COL8A1: variants seen among roughly 807,000 people sequenced by gnomAD.
COL8A1 encodes collagen alpha-1(VIII) chain.
In COL8A1, 21 loss-of-function variants were observed where a neutral mutation model predicts 42.7. The ratio of observed to expected loss-of-function variants is 0.49; its 90% confidence interval spans 0.35 to 0.71. The LOEUF is 0.71. COL8A1 is among the 30% of genes least tolerant of loss of function. The pLI is 0.01. For missense variants in COL8A1, 788 were observed against 962.4 expected, an observed-to-expected ratio of 0.82 and a Z score of 2.40; for synonymous variants, 367 against 369.1, an observed-to-expected ratio of 0.99 and a Z score of 0.06.
intron 1 of COL8A1, chr3:99,675,596 C>T (rs1216023717): frequency 6.6e-6 from 1 of 152,436 alleles, no homozygotes; most frequent in Non-Finnish European, 1.5e-5. Flanking sequence ...ATGTCTGACA[C>T]CAGGTATTTT....
intron 2 of COL8A1, among the ~76,000 whole-genome samples, chr3:99,770,104 A>C (rs1941549066): frequency 6.6e-6 from 1 of 152,206 alleles, no homozygotes; most frequent in African/African-American, 2.4e-5. Flanking sequence ...ATTAGAGAAC[A>C]AAAGGGTATG....
chr3:99,728,048 A>C (rs1576450718), intron 1 of COL8A1, among the ~76,000 whole-genome samples: 1 of 151,420 alleles, frequency 6.6e-6, no homozygotes, highest in Non-Finnish European at 1.5e-5. Context: ...CTGAATGGGC[A>C]AAAACTGGAA....
At chr3:99,755,749 C>A (rs773475083) in intron 2 of COL8A1, among the ~76,000 whole-genome samples, 4 of 152,172 alleles carry the variant, frequency 2.6e-5, no homozygotes, top group Non-Finnish European at 5.9e-5. Flanking sequence ...AGGCTGAGAA[C>A]CAGTTTGGCT....
chr3:99,756,445 T>C (rs190652365), intron 2 of COL8A1, among the ~76,000 whole-genome samples: 1 of 152,266 alleles, frequency 6.6e-6, no homozygotes, highest in Admixed American at 6.5e-5. Context: ...TTTGTAAAAA[T>C]AGTTTCAAAG....
chr3:99,795,526 G>GC lies in COL8A1; in HGVS notation c.1631dup (p.Gly545ArgfsTer49), dbSNP rs1381812929. 7 of 1,598,078 alleles carry GC rather than the reference G, an allele frequency of 4.4e-6. No individual in the cohort carries two copies. The highest frequency in any genetic ancestry group is 6.0e-6 in the Non-Finnish European group (7 of 1,172,974). ...AAACCCGGAGTGGCAGGACTTCATG[G>GC]CCCCCCAGGGAAGCCTGGTGCCCTT... On this transcript the variant is annotated frameshift_variant, in exon 4 of 4. Coordinates refer to ENST00000652472, the MANE Select transcript of COL8A1 (RefSeq NM_020351.4). LOFTEE classifies it high-confidence loss of function.
chr3:99,657,090 A>G (rs1364276067), intron 1 of COL8A1, among the ~76,000 whole-genome samples: 1 of 152,216 alleles, frequency 6.6e-6, no homozygotes, highest in Admixed American at 6.5e-5. Context: ...GGAAAATGGT[A>G]TAGCTTTGTA....
At position 99,652,951 on chromosome 3, in the gene COL8A1, A is replaced by C. The variant is rs191227566; in HGVS notation, c.-129+14287A>C. The stretch of plus-strand genomic sequence containing the variant: ...CTGAATAAAAAGCACTGAAGTTAGC[A>C]TAAGAAGCCCTGAGATGAAGTCCCA... On this transcript the variant is annotated intron_variant, in intron 1 of 3. Transcript: ENST00000652472. Among the ~76,000 whole-genome samples, 4 of 152,236 alleles carry C rather than the reference A, an allele frequency of 2.6e-5. No homozygotes were observed. The South Asian group carries it at 6.2e-4, about 24-fold the overall frequency.
intron 2 of COL8A1, among the ~76,000 whole-genome samples, chr3:99,745,367 A>C (rs903130101): frequency 1.3e-5 from 2 of 152,204 alleles, no homozygotes; most frequent in East Asian, 3.9e-4. Context: ...TTTGCAGAGG[A>C]AAATTGTGAA....
intron 2 of COL8A1, among the ~76,000 whole-genome samples, chr3:99,781,346 G>C (rs187444508): frequency 1.2e-4 from 19 of 152,150 alleles, no homozygotes; most frequent in Non-Finnish European, 2.4e-4. Flanking sequence ...AGAAAACATT[G>C]ATTAATTATT....
intron 1 of COL8A1, among the ~76,000 whole-genome samples, chr3:99,726,364 C>T (rs1194872503): frequency 6.6e-6 from 1 of 151,294 alleles, no homozygotes; most frequent in African/African-American, 2.4e-5. Flanking sequence ...TGTAGGCTAC[C>T]TGTTCACTCT....
At chr3:99,761,814 T>C (rs1941370515) in intron 2 of COL8A1, among the ~76,000 whole-genome samples, 1 of 152,228 alleles carries the variant, frequency 6.6e-6, no homozygotes. Context: ...GTTGTTATCT[T>C]GTTAACACCT....
In COL8A1 at chr3:99,732,449, T is replaced by C. The variant is rs574573820; in HGVS notation, c.-128-12448T>C. 5.7e-4 allele frequency among the ~76,000 whole-genome samples: 86 copies of C among 152,174 alleles called. 1 individual carries two copies. In the South Asian group the frequency reaches 0.018, roughly 31 times the overall value. ...GAAACGGGAAGCAAACACATCCTTCTTCACATGGCAGCAGCAAGGAGAAGT... is the reference window on the plus strand; with the variant it reads ...GAAACGGGAAGCAAACACATCCTTCCTCACATGGCAGCAGCAAGGAGAAGT... On this transcript the variant is annotated intron_variant, in intron 1 of 3. Transcript: ENST00000652472.
chr3:99,764,701 C>CTT (rs10648559), intron 2 of COL8A1, among the ~76,000 whole-genome samples: 83,422 of 125,130 alleles, frequency 0.67, 27,761 homozygotes, highest in African/African-American at 0.75. Context: ...TCTTTTTTTT[C>CTT]TTTTTTTTTT....
chr3:99,693,674 G>C (rs775504857), intron 1 of COL8A1, among the ~76,000 whole-genome samples: 1 of 152,170 alleles, frequency 6.6e-6, no homozygotes, highest in Admixed American at 6.5e-5. Context: ...GACTCAAAAC[G>C]TTAAAAAATT....
Position 99,795,476 on chromosome 3 carries a change from GC to G in COL8A1, c.1580del (p.Pro527LeufsTer6). On this transcript the variant is annotated frameshift_variant, in exon 4 of 4. Transcript: ENST00000652472. LOFTEE classifies it high-confidence loss of function. ...GPKGEPGLPGPPGFPGIGKPG... is the reference protein window; with the variant it reads ...GPKGEPGLPGXPGFPGIGKPG... ...CCAAAGGGGAGCCGGGCCTCCCAGG[GC>G]CCCCTGGGTTCCCTGGTATAGGGAA... 6.5e-7 allele frequency: 1 copy of G among 1,542,152 alleles called. No homozygotes were observed. Among genetic ancestry groups the G allele is most frequent in the Non-Finnish European group, 8.8e-7 (1 of 1,142,374 alleles).
chr3:99,752,580 G>T (rs958217084), intron 2 of COL8A1, among the ~76,000 whole-genome samples: 1 of 151,796 alleles, frequency 6.6e-6, no homozygotes, highest in Non-Finnish European at 1.5e-5. Flanking sequence ...TCTTACCTGC[G>T]TTACCTAATC....
intron 1 of COL8A1, among the ~76,000 whole-genome samples, chr3:99,668,713 T>C (rs1373696629): frequency 1.3e-5 from 2 of 152,006 alleles, no homozygotes; most frequent in Non-Finnish European, 2.9e-5. Context: ...TTTCTGCAAA[T>C]CCAGTGAACT....
rs184242223 is a variant in COL8A1 at position 99,644,995 on chromosome 3, G to A, written c.-129+6331G>A. 3.4e-4 allele frequency among the ~76,000 whole-genome samples: 52 copies of A among 152,308 alleles called. 1 individual carries two copies. The highest frequency in any genetic ancestry group is 6.8e-3 in the Middle Eastern group (2 of 294). On this transcript the variant is annotated intron_variant, in intron 1 of 3. Coordinates refer to ENST00000652472, the MANE Select transcript of COL8A1 (RefSeq NM_020351.4). ...ATGGCTAGTTTATGGCAGCAGAGGG[G>A]TTAAGTTGCAGCTGCCTTCAGTTCA...
intron 1 of COL8A1, among the ~76,000 whole-genome samples, chr3:99,731,410 G>A (rs1940505854): frequency 6.6e-6 from 1 of 152,080 alleles, no homozygotes; most frequent in Non-Finnish European, 1.5e-5. Context: ...TTCATAAGTT[G>A]AAGGCCAGTG....
Sources: allele counts gnomAD v4.1 joint callset (sites outside exome capture counted in the v4.1 genomes callset), GRCh38; gene constraint gnomAD v4.1.1; transcripts MANE v1.5; gene names NCBI Gene and HGNC (gene_info 2026-07-23, HGNC 2026-07-21).